The following MEMO1 variants were observed in gnomAD, a reference collection of about 807,000 sequenced individuals.
The protein encoded by MEMO1 is protein MEMO1.
MEMO1 carries 6 observed loss-of-function variants against 45.2 expected under a neutral mutation model. That is an observed-to-expected ratio of 0.13 (90% CI 0.07 to 0.26). MEMO1 has a LOEUF of 0.26. MEMO1 is among the 10% of genes least tolerant of loss of function. The pLI, the probability that MEMO1 is intolerant of heterozygous loss-of-function variation, is 1.00. For missense variants in MEMO1, 184 were observed against 370.5 expected (o/e 0.50, Z 4.13); for synonymous variants, 78 against 124.3 (o/e 0.63, Z 2.48).
intron 8 of MEMO1, among the ~76,000 whole-genome samples, chr2:31,881,895 G>A (rs1210954452): frequency 6.6e-6 from 1 of 152,108 alleles, no homozygotes; most frequent in African/African-American, 2.4e-5. Flanking sequence ...TGTAATCCCA[G>A]GACTTTTGAG....
intron 5 of MEMO1, among the ~76,000 whole-genome samples, chr2:31,919,868 G>A (rs1026659298): frequency 3.3e-5 from 5 of 151,846 alleles, no homozygotes; most frequent in African/African-American, 1.2e-4. Flanking sequence ...GTGTGTGTGT[G>A]TGTTTATATA....
intron 2 of MEMO1, among the ~76,000 whole-genome samples, chr2:31,955,935 T>C (rs1228177529): frequency 2.0e-5 from 3 of 152,072 alleles, no homozygotes; most frequent in Non-Finnish European, 2.9e-5. Flanking sequence ...AACGCCCCAA[T>C]ATTCCTCCAT....
intron 6 of MEMO1, among the ~76,000 whole-genome samples, chr2:31,917,255 T>G (rs1249124029): frequency 6.6e-6 from 1 of 152,112 alleles, no homozygotes; most frequent in Non-Finnish European, 1.5e-5. Flanking sequence ...TAGAGAAACC[T>G]ACAAAAGAGA....
At chr2:31,992,721 G>T (rs7600844) in intron 2 of MEMO1, among the ~76,000 whole-genome samples, 149,048 of 152,238 alleles carry the variant, frequency 0.98, 72,987 homozygotes, top group Middle Eastern at 1. Context: ...GAGATGGAGG[G>T]TGCAGTGAGC....
At chr2:31,953,969 T>G (rs1667129147) in intron 2 of MEMO1, among the ~76,000 whole-genome samples, 1 of 152,210 alleles carries the variant, frequency 6.6e-6, no homozygotes, top group Admixed American at 6.5e-5. Flanking sequence ...ATAAATTAAA[T>G]ATTCTGATTT....
At chr2:32,008,447 G>T (rs1039955603) in intron 2 of MEMO1, among the ~76,000 whole-genome samples, 2 of 152,212 alleles carry the variant, frequency 1.3e-5, no homozygotes, top group Non-Finnish European at 1.5e-5. Flanking sequence ...AGCTGGGCGT[G>T]GTGGCGCGCG....
rs370773425 is a variant in MEMO1, at chr2:31,933,351, TTATATATATATA to T, written c.144-1228_144-1217del. 2.1e-3 allele frequency among the ~76,000 whole-genome samples: 95 copies of T among 45,090 alleles called. 2 individuals are homozygous for T. In the South Asian group the frequency reaches 0.051, roughly 24 times the overall value. The allele number at this position is 45,090 out of a possible 152,430, so 29.6% of individuals were successfully genotyped here. On this transcript the variant is annotated intron_variant, in intron 3 of 9. Transcript: ENST00000404530. The stretch of plus-strand genomic sequence containing the variant: ...AAAAAAAAAAAAAAAAAAAAAAAAT[TTATATATATATA>T]TATATATATATATATATATAGAAAG...
chr2:31,933,345 AAAAATTTAT>A (rs1664469416), intron 3 of MEMO1, among the ~76,000 whole-genome samples: 1 of 34,092 alleles, frequency 2.9e-5, no homozygotes, highest in African/African-American at 1.2e-4. Flanking sequence ...AAAAAAAAAA[AAAAATTTAT>A]ATATATATAT....
At chr2:31,926,248 G>C (rs1683088811) in intron 4 of MEMO1, among the ~76,000 whole-genome samples, 1 of 151,930 alleles carries the variant, frequency 6.6e-6, no homozygotes, top group Non-Finnish European at 1.5e-5. Context: ...GGCACAGGCT[G>C]GCAGTCCTAG....
intron 6 of MEMO1, among the ~76,000 whole-genome samples, chr2:31,899,675 T>C (rs1170065702): frequency 6.6e-6 from 1 of 152,148 alleles, no homozygotes; most frequent in African/African-American, 2.4e-5. Context: ...GAAGCCAAAA[T>C]TGACAAATGA....
intron 2 of MEMO1, among the ~76,000 whole-genome samples, chr2:31,965,299 A>AGGAGGGAAGGAGGGACGGAGGGAGGGAG (rs143422023): frequency 6.8e-6 from 1 of 147,324 alleles, no homozygotes; most frequent in Non-Finnish European, 1.5e-5. Context: ...GAAGAAGGGA[A>AGGAGGGAAGGAGGGACGGAGGGAGGGAG]GGAGGGAAGG....
intron 6 of MEMO1, among the ~76,000 whole-genome samples, chr2:31,911,631 T>A (rs928839548): frequency 6.6e-6 from 1 of 152,216 alleles, no homozygotes; most frequent in Non-Finnish European, 1.5e-5. Context: ...AGGAGTAGTA[T>A]TTAATGCCAT....
At chr2:31,923,816 G>A in intron 4 of MEMO1, 1 of 1,443,938 alleles carries the variant, frequency 6.9e-7, no homozygotes, top group South Asian at 1.5e-5. Context: ...CTAAGTAAGT[G>A]TAATAAGGTT....
chr2:31,884,914 G>A (rs922202662), intron 7 of MEMO1, among the ~76,000 whole-genome samples: 1 of 151,354 alleles, frequency 6.6e-6, no homozygotes, highest in South Asian at 2.1e-4. Flanking sequence ...TTAGCTATGA[G>A]ATCAACTATA....
At chr2:31,901,970 TA>T (rs71405596) in intron 6 of MEMO1, among the ~76,000 whole-genome samples, 16,607 of 150,618 alleles carry the variant, frequency 0.11, 953 homozygotes, top group Middle Eastern at 0.19. Context: ...GTAGATTTAC[TA>T]AAAAAAAACA....
At chr2:31,988,452 C>T (rs1447532281) in intron 2 of MEMO1, among the ~76,000 whole-genome samples, 1 of 152,082 alleles carries the variant, frequency 6.6e-6, no homozygotes, top group African/African-American at 2.4e-5. Context: ...GAGGCTGAGG[C>T]GGGAGAATCC....
At chr2:31,972,548 T>TA (rs1669534579) in intron 2 of MEMO1, among the ~76,000 whole-genome samples, 1 of 152,010 alleles carries the variant, frequency 6.6e-6, no homozygotes, top group South Asian at 2.1e-4. Flanking sequence ...CCTTCTCTAC[T>TA]AAAAATACCA....
intron 4 of MEMO1, among the ~76,000 whole-genome samples, chr2:31,926,031 T>C (rs1572701862): frequency 6.6e-6 from 1 of 152,206 alleles, no homozygotes; most frequent in South Asian, 2.1e-4. Flanking sequence ...TGTAGATAAA[T>C]TACGGCTATT....
intron 2 of MEMO1, among the ~76,000 whole-genome samples, chr2:31,995,618 G>A (rs900214752): frequency 6.6e-6 from 1 of 151,884 alleles, no homozygotes; most frequent in Non-Finnish European, 1.5e-5. Flanking sequence ...AGAAAAAAAG[G>A]GGGGGAACAT....
Sources: allele counts gnomAD v4.1 joint callset (sites outside exome capture counted in the v4.1 genomes callset), GRCh38; gene constraint gnomAD v4.1.1; transcripts MANE v1.5; gene names NCBI Gene and HGNC (gene_info 2026-07-23, HGNC 2026-07-21).